TYR: variants seen among roughly 807,000 people sequenced by gnomAD.
TYR encodes tyrosinase.
In TYR, 58 loss-of-function variants were observed where a neutral mutation model predicts 51.5. The observed-to-expected ratio is 1.13, with a 90% confidence interval of 0.91 to 1.40. The LOEUF is 1.40. TYR is among the 40% of genes most tolerant of loss of function. The pLI is 0.00. For synonymous variants in TYR, 263 were observed against 235.2 expected, an observed-to-expected ratio of 1.12 and a Z score of -1.08; for missense variants, 732 against 647.4, an observed-to-expected ratio of 1.13 and a Z score of -1.42.
intron 1 of TYR, among the ~76,000 whole-genome samples, chr11:89,183,094 T>TC (rs979352805): frequency 7.9e-5 from 12 of 152,150 alleles, no homozygotes; most frequent in African/African-American, 2.6e-4. Flanking sequence ...TTACATTTTT[T>TC]CCCCCAGATA....
chr11:89,263,317 A>G (rs1565416917), intron 3 of TYR, among the ~76,000 whole-genome samples: 1 of 151,960 alleles, frequency 6.6e-6, no homozygotes, highest in African/African-American at 2.4e-5. Context: ...AAAAACAAAC[A>G]TGCATCAAGC....
chr11:89,251,998 C>T (rs1321365666), intron 3 of TYR, among the ~76,000 whole-genome samples: 1 of 151,834 alleles, frequency 6.6e-6, no homozygotes, highest in East Asian at 1.9e-4. Context: ...TTCAGTTATG[C>T]CATCCCCATA....
chr11:89,287,288 G>A (rs559945962), intron 4 of TYR, among the ~76,000 whole-genome samples: 13 of 151,704 alleles, frequency 8.6e-5, no homozygotes, highest in South Asian at 2.1e-4. Flanking sequence ...ACTAATATAA[G>A]TGAAGTTTTC....
intron 1 of TYR, among the ~76,000 whole-genome samples, chr11:89,180,477 A>T (rs74319015): frequency 0.017 from 2,548 of 152,190 alleles, 64 homozygotes; most frequent in African/African-American, 0.057. Context: ...TTATTTTCCT[A>T]ATTACTTATT....
intron 3 of TYR, among the ~76,000 whole-genome samples, chr11:89,229,152 A>G (rs1944010765): frequency 6.6e-6 from 1 of 152,148 alleles, no homozygotes; most frequent in South Asian, 2.1e-4. Context: ...TGGACATAAA[A>G]TCAAATAAGA....
At chr11:89,226,147 A>G (rs1210072679) in intron 2 of TYR, among the ~76,000 whole-genome samples, 1 of 152,110 alleles carries the variant, frequency 6.6e-6, no homozygotes, top group Non-Finnish European at 1.5e-5. Context: ...AACAACTTCT[A>G]TGAAGAACAT....
chr11:89,261,943 C>G (rs1032934898), intron 3 of TYR, among the ~76,000 whole-genome samples: 2 of 151,834 alleles, frequency 1.3e-5, no homozygotes, highest in Admixed American at 1.3e-4. Context: ...CAACATACTG[C>G]TAAATAATAG....
chr11:89,281,304 T>C (rs1944719445), intron 3 of TYR, among the ~76,000 whole-genome samples: 1 of 151,638 alleles, frequency 6.6e-6, no homozygotes, highest in African/African-American at 2.4e-5. Flanking sequence ...TTCCCCTGGA[T>C]CATAGGGCTT....
chr11:89,217,270 T>C (rs1219295443), intron 2 of TYR, among the ~76,000 whole-genome samples: 2 of 152,206 alleles, frequency 1.3e-5, no homozygotes, highest in East Asian at 1.9e-4. Flanking sequence ...AGTAATACTA[T>C]GCAGTGTTAA....
intron 3 of TYR, among the ~76,000 whole-genome samples, chr11:89,272,216 C>A (rs1366441051): frequency 1.3e-5 from 2 of 151,832 alleles, no homozygotes; most frequent in African/African-American, 4.8e-5. Context: ...GTCGGCTATA[C>A]CCTTATAGCA....
chr11:89,244,502 C>G (rs905541885), intron 3 of TYR, among the ~76,000 whole-genome samples: 17 of 152,204 alleles, frequency 1.1e-4, no homozygotes, highest in African/African-American at 3.6e-4. Flanking sequence ...GGAATTAACT[C>G]TTGCAAATCC....
At chr11:89,229,191 G>C (rs959971833) in intron 3 of TYR, among the ~76,000 whole-genome samples, 2 of 151,978 alleles carry the variant, frequency 1.3e-5, no homozygotes, top group Non-Finnish European at 2.9e-5. Context: ...AAAATCATTA[G>C]GCAGATTTTT....
chr11:89,180,866 T>C (rs993169564), intron 1 of TYR, among the ~76,000 whole-genome samples: 1 of 152,160 alleles, frequency 6.6e-6, no homozygotes, highest in Admixed American at 6.5e-5. Flanking sequence ...TACAAAGTCC[T>C]TAAAATAGTT....
At chr11:89,251,786 G>A (rs548543688) in intron 3 of TYR, among the ~76,000 whole-genome samples, 14 of 151,868 alleles carry the variant, frequency 9.2e-5, no homozygotes, top group African/African-American at 2.2e-4. Context: ...TTTGGAGAAC[G>A]GAAATAACAT....
chr11:89,179,643 T>C (rs1342706379), intron 1 of TYR, among the ~76,000 whole-genome samples: 2 of 152,198 alleles, frequency 1.3e-5, no homozygotes, highest in African/African-American at 4.8e-5. Context: ...TATCTTTAGC[T>C]AAAGGATCTG....
At chr11:89,234,479 C>T (rs1944086985) in intron 3 of TYR, among the ~76,000 whole-genome samples, 1 of 143,786 alleles carries the variant, frequency 7.0e-6, no homozygotes, top group East Asian at 2.0e-4. Flanking sequence ...GCACAAGAGG[C>T]CTAGCTTTCA....
At chr11:89,182,022 T>A (rs1339972724) in intron 1 of TYR, among the ~76,000 whole-genome samples, 9 of 152,180 alleles carry the variant, frequency 5.9e-5, no homozygotes, top group Non-Finnish European at 8.8e-5. Flanking sequence ...CTTTTACTGA[T>A]CCACCTCTGT....
chr11:89,224,543 G>A (rs376462786), intron 2 of TYR, among the ~76,000 whole-genome samples: 2 of 152,146 alleles, frequency 1.3e-5, no homozygotes, highest in Non-Finnish European at 2.9e-5. Flanking sequence ...GGTGCAGAGA[G>A]TTTTAAGAAA....
intron 4 of TYR, among the ~76,000 whole-genome samples, chr11:89,288,951 A>G (rs1014950818): frequency 3.3e-5 from 5 of 151,984 alleles, no homozygotes; most frequent in Non-Finnish European, 7.4e-5. Context: ...CCAGGTACTC[A>G]TGTTTATAAT....
Sources: allele counts gnomAD v4.1 joint callset (sites outside exome capture counted in the v4.1 genomes callset), GRCh38; gene constraint gnomAD v4.1.1; transcripts MANE v1.5; gene names NCBI Gene and HGNC (gene_info 2026-07-23, HGNC 2026-07-21).